The following SRP68 variants were observed in gnomAD, a reference collection of about 807,000 sequenced individuals.
SRP68 encodes the protein signal recognition particle subunit SRP68.
In SRP68, 15 loss-of-function variants were observed where a neutral mutation model predicts 82.2. The observed-to-expected ratio is 0.18, with a 90% CI of 0.12 to 0.28. SRP68 has a LOEUF of 0.28. Ranked by LOEUF, SRP68 falls within the 10% of genes least tolerant of loss-of-function variation. SRP68 has a pLI of 1.00. For synonymous variants in SRP68, 261 were observed against 292.6 expected (o/e 0.89, Z 1.10); for missense variants, 595 against 780.5 (o/e 0.76, Z 2.83).
chr17:76,049,754 T>TAA (rs1410947803), intron 9 of SRP68: 1 of 152,214 alleles, frequency 6.6e-6, no homozygotes, highest in Non-Finnish European at 1.5e-5. Context: ...AATTCATAAA[T>TAA]AAATGCATCA....
At chr17:76,058,865 C>T (rs559393453) in intron 7 of SRP68, among the ~76,000 whole-genome samples, 1 of 152,240 alleles carries the variant, frequency 6.6e-6, no homozygotes, top group Non-Finnish European at 1.5e-5. Context: ...TACTGTTTAC[C>T]ACTTAATGAA....
At position 76,067,235 on chromosome 17, in the gene SRP68, T is replaced by G; in HGVS notation, c.347A>C (p.Glu116Ala). The change falls in exon 3 of 16, where the codon GAG becomes GCG. Residue 116 changes from glutamate to alanine, a missense_variant. This residue lies in a region of SRP68 where 495 missense variants were observed against 688.6 expected (regional missense o/e 0.72). Transcript: ENST00000307877. The part of the protein sequence containing the change: ...HKFTGKKVTE[E>A]LLTDNRYLLL... The stretch of plus-strand genomic sequence containing the variant: ...TCAATACCTATTATCGGTCAGAAGC[T>G]CTTCAGTCACTTTCTTCCCTGTGAA... 1 of 1,613,560 alleles carries G rather than the reference T, an allele frequency of 6.2e-7. No homozygotes were observed. The highest frequency in any genetic ancestry group is 8.5e-7 in the Non-Finnish European group (1 of 1,179,636).
At chr17:76,049,288 T>C (rs2066654402) in intron 9 of SRP68, 1 of 152,208 alleles carries the variant, frequency 6.6e-6, no homozygotes. Context: ...GTATCAGATA[T>C]TTAGAAACTG....
At chr17:76,057,606 A>G in intron 7 of SRP68, 63 bp from the exon 8 acceptor site, 1 of 1,557,382 alleles carries the variant, frequency 6.4e-7, no homozygotes, top group Non-Finnish European at 8.8e-7. Context: ...AGGTGAAAAT[A>G]AGTGGAATCT....
At chr17:76,070,922 C>T (rs1342388795) in intron 1 of SRP68, among the ~76,000 whole-genome samples, 3 of 151,446 alleles carry the variant, frequency 2.0e-5, no homozygotes, top group Non-Finnish European at 4.4e-5. Flanking sequence ...TCTTTTGTAA[C>T]CATTTTCAAT....
intron 13 of SRP68, 156 bp downstream of exon 13, chr17:76,043,673 C>T: frequency 1.6e-6 from 1 of 632,230 alleles, no homozygotes; most frequent in Non-Finnish European, 2.5e-6. Flanking sequence ...GTGACACAGC[C>T]TGCAGCTCCT....
At chr17:76,058,681 G>A (rs1021710183) in intron 7 of SRP68, among the ~76,000 whole-genome samples, 2 of 152,170 alleles carry the variant, frequency 1.3e-5, no homozygotes, top group African/African-American at 4.8e-5. Flanking sequence ...AAGGATGTAA[G>A]GAGAAAAGCA....
At chr17:76,055,355 G>A (rs551349543) in intron 8 of SRP68, among the ~76,000 whole-genome samples, 12 of 152,240 alleles carry the variant, frequency 7.9e-5, no homozygotes, top group African/African-American at 2.9e-4. Flanking sequence ...CTTCTATGGT[G>A]ATTTCTGAGA....
chr17:76,062,547 A>C (rs2066762527), intron 4 of SRP68, among the ~76,000 whole-genome samples: 2 of 112,422 alleles, frequency 1.8e-5, no homozygotes, highest in Non-Finnish European at 3.3e-5. Context: ...ATTATATATT[A>C]TATAATATAC....
At chr17:76,061,031 T>C in intron 6 of SRP68, 79 bp downstream of exon 6, 2 of 877,114 alleles carry the variant, frequency 2.3e-6, no homozygotes, top group Admixed American at 2.0e-5. Flanking sequence ...ATCAACTCTC[T>C]AGGCTCTCTG....
At chr17:76,046,588 C>G (rs1386994031) in intron 10 of SRP68, among the ~76,000 whole-genome samples, 2 of 151,766 alleles carry the variant, frequency 1.3e-5, no homozygotes, top group Admixed American at 1.3e-4. Flanking sequence ...TGCACTCCAG[C>G]CCGAGTAATA....
intron 1 of SRP68, 136 bp from the exon 2 acceptor site, chr17:76,070,580 C>T: frequency 1.3e-6 from 1 of 761,512 alleles, no homozygotes; most frequent in Non-Finnish European, 2.2e-6. Flanking sequence ...GTGGCTCATG[C>T]CTGTAATCCC....
At chr17:76,070,302 G>T in intron 2 of SRP68, 76 bp downstream of exon 2, 2 of 1,116,376 alleles carry the variant, frequency 1.8e-6, no homozygotes, top group Non-Finnish European at 2.7e-6. Flanking sequence ...TGCTGATATA[G>T]CAGAGTAAAC....
At chr17:76,041,707 C>G (rs112966703) in intron 13 of SRP68, 1 of 152,202 alleles carries the variant, frequency 6.6e-6, no homozygotes, top group Non-Finnish European at 1.5e-5. Context: ...TCTGCCTTTG[C>G]TTGGGGTCTC....
chr17:76,061,449 C>A, intron 5 of SRP68, 43 bp downstream of exon 5: 1 of 1,537,858 alleles, frequency 6.5e-7, no homozygotes, highest in South Asian at 1.1e-5. Context: ...ATTTGACAAT[C>A]TGTAATTAAA....
chr17:76,048,947 C>G (rs1477544676), intron 9 of SRP68: 3 of 152,196 alleles, frequency 2.0e-5, no homozygotes, highest in South Asian at 2.1e-4. Flanking sequence ...ATAAAGGCAG[C>G]CTAACGGGGC....
Position 76,039,343 on chromosome 17 carries a change from C to T in SRP68, c.*363G>A. 2.1e-6 allele frequency: 1 copy of T among 479,906 alleles called. No individual in the cohort carries two copies. Among genetic ancestry groups the T allele is most frequent in the Admixed American group, 2.3e-5 (1 of 43,192 alleles). 29.7% of individuals were successfully genotyped at this position (479,906 alleles called of 1,614,324 possible). A position where few individuals can be genotyped will look rare whatever the true frequency, so the allele number is the denominator to read the frequency against. On this transcript the variant is annotated 3_prime_UTR_variant, in exon 16 of 16. Coordinates refer to ENST00000307877, the MANE Select transcript of SRP68 (RefSeq NM_014230.4). Reference sequence around the variant, plus strand: ...ATGAGTTCATTTCAAATCCATGGTACTGAAGAAGCATGACAAAGCGTTTCA... The same window carrying T: ...ATGAGTTCATTTCAAATCCATGGTATTGAAGAAGCATGACAAAGCGTTTCA...
chr17:76,040,248 A>T (rs2066579139), intron 15 of SRP68, among the ~76,000 whole-genome samples, 171 bp downstream of exon 15: 1 of 152,182 alleles, frequency 6.6e-6, no homozygotes, highest in Admixed American at 6.5e-5. Context: ...CCCAGGGATG[A>T]TCTGACATCT....
At chr17:76,045,847 T>G (rs1410773907) in intron 11 of SRP68, among the ~76,000 whole-genome samples, 191 bp downstream of exon 11, 1 of 152,166 alleles carries the variant, frequency 6.6e-6, no homozygotes, top group Non-Finnish European at 1.5e-5. Flanking sequence ...GTCACTATTC[T>G]CTGCAGATCA....
Sources: gnomAD v4.1 joint callset for allele counts (sites outside exome capture counted in the v4.1 genomes callset) on GRCh38, gnomAD v4.1.1 for gene constraint, gnomAD v4.1.1 regional missense constraint, MANE v1.5 for transcripts, NCBI Gene and HGNC (gene_info 2026-07-23, HGNC 2026-07-21) for gene names.